Variants in FOXP1 observed in about 807,000 individuals in gnomAD.
The protein encoded by FOXP1 is forkhead box protein P1.
FOXP1 carries 15 observed loss-of-function variants against 98.2 expected under a neutral mutation model. The observed-to-expected ratio is 0.15, with a 90% CI of 0.10 to 0.24. FOXP1 has a LOEUF of 0.24. FOXP1 is among the 10% of genes least tolerant of loss of function. The pLI, the probability that FOXP1 is intolerant of heterozygous loss-of-function variation, is 1.00. For missense variants in FOXP1, 633 were observed against 848.5 expected (o/e 0.75, Z 3.15); for synonymous variants, 371 against 314.5 (o/e 1.18, Z -1.90).
At chr3:70,985,736 TCCAAA>T (rs2039624518) in intron 14 of FOXP1, among the ~76,000 whole-genome samples, 1 of 152,136 alleles carries the variant, frequency 6.6e-6, no homozygotes, top group East Asian at 1.9e-4. Flanking sequence ...CATAAACTAA[TCCAAA>T]CAATCTATGT....
intron 7 of FOXP1, among the ~76,000 whole-genome samples, chr3:71,082,320 G>A (rs536649855): frequency 1.7e-4 from 26 of 151,194 alleles, no homozygotes; most frequent in Admixed American, 1.2e-3. Context: ...CGGTGCTGAT[G>A]TCTAGAACAT....
chr3:71,558,841 C>T (rs1311816622), intron 2 of FOXP1, among the ~76,000 whole-genome samples: 239 of 127,422 alleles, frequency 1.9e-3, no homozygotes, highest in African/African-American at 7.0e-3. Context: ...CTCGCTCTTT[C>T]GCCCAGGCTG....
intron 6 of FOXP1, among the ~76,000 whole-genome samples, chr3:71,190,631 C>T (rs1370831679): frequency 7.9e-6 from 1 of 126,354 alleles, no homozygotes; most frequent in African/African-American, 3.3e-5. Flanking sequence ...GAGCTAGACC[C>T]CATCTCCAAA....
In FOXP1 at chr3:71,336,546, T is replaced by C. The variant is rs749588180; in HGVS notation, c.-73+22604A>G. On this transcript the variant is annotated intron_variant, in intron 4 of 20. Transcript: ENST00000649528. ...AAAAGGAGAGCGAGTCAACTCATTA[T>C]TTTGAAACTTAGTAAATAGAGGGAA... Among the ~76,000 whole-genome samples the C allele has an allele frequency of 6.2e-4, 94 of 152,240 alleles. 2 individuals are homozygous for C. Among genetic ancestry groups the C allele is most frequent in the Non-Finnish European group, 6.6e-4 (45 of 68,054 alleles).
In FOXP1 at chr3:71,068,828, C is replaced by A. The variant is rs73838148; in HGVS notation, c.283-15055G>T. ...GCCTGATGGCCTACTCAGGAAAGCG[C>A]GCCTCCCCAGAAGGAGGACTGCTTT... On this transcript the variant is annotated intron_variant, in intron 7 of 20. Coordinates refer to ENST00000649528, the MANE Select transcript of FOXP1 (RefSeq NM_001349338.3). Among the ~76,000 whole-genome samples the A allele has an allele frequency of 6.0e-3, 915 of 152,242 alleles. 14 individuals carry two copies. The highest frequency in any genetic ancestry group is 0.021 in the African/African-American group (878 of 41,524).
chr3:71,496,588 G>T (rs531543097), intron 2 of FOXP1, among the ~76,000 whole-genome samples: 5 of 152,168 alleles, frequency 3.3e-5, no homozygotes, highest in African/African-American at 1.2e-4. Flanking sequence ...TTGGGAGGCC[G>T]AGGCGGGCGG....
intron 2 of FOXP1, chr3:71,542,050 G>A (rs764647172): frequency 1.1e-5 from 6 of 533,076 alleles, no homozygotes; most frequent in South Asian, 8.4e-5. Context: ...AAAAGCCAGG[G>A]TCTGTATAGA....
chr3:71,503,571 A>C (rs939004242), intron 2 of FOXP1, among the ~76,000 whole-genome samples: 1 of 136,306 alleles, frequency 7.3e-6, no homozygotes, highest in African/African-American at 2.7e-5. Context: ...ATTGCACTCC[A>C]GCCTGGGCAA....
At chr3:71,202,361 G>A (rs1356670749) in intron 5 of FOXP1, among the ~76,000 whole-genome samples, 1 of 152,174 alleles carries the variant, frequency 6.6e-6, no homozygotes, top group Non-Finnish European at 1.5e-5. Context: ...GGAGAAAACA[G>A]CTTTTTGAAA....
chr3:71,057,253 T>A (rs768460242), intron 7 of FOXP1, among the ~76,000 whole-genome samples: 1 of 143,764 alleles, frequency 7.0e-6, no homozygotes, highest in African/African-American at 2.5e-5. Context: ...CTCTAATATT[T>A]ATGGGCCCCT....
At chr3:71,581,853 G>T in intron 1 of FOXP1, 156 bp from the exon 2 acceptor site, 1 of 986,104 alleles carries the variant, frequency 1.0e-6, no homozygotes, top group African/African-American at 1.7e-5. Context: ...AGGGAAGAGA[G>T]GATGCGGCTC....
chr3:71,523,090 G>A (rs1034672831), intron 2 of FOXP1, among the ~76,000 whole-genome samples: 17 of 152,180 alleles, frequency 1.1e-4, no homozygotes, highest in Non-Finnish European at 2.2e-4. Context: ...TCTGTAAAAA[G>A]GGGAAATTGG....
chr3:71,009,433 T>C (rs779395058), intron 12 of FOXP1, among the ~76,000 whole-genome samples: 5 of 152,124 alleles, frequency 3.3e-5, no homozygotes, highest in African/African-American at 9.7e-5. Context: ...AGACACTGTA[T>C]GGCCTGCAAT....
chr3:71,583,115 A>G (rs6801781), intron 1 of FOXP1, among the ~76,000 whole-genome samples: 99,184 of 151,806 alleles, frequency 0.65, 33,971 homozygotes, highest in African/African-American at 0.72. Flanking sequence ...CCAACGCCGG[A>G]CATCGAAAGT....
At chr3:71,226,603 C>G (rs1221005871) in intron 5 of FOXP1, among the ~76,000 whole-genome samples, 1 of 152,000 alleles carries the variant, frequency 6.6e-6, no homozygotes, top group Non-Finnish European at 1.5e-5. Context: ...CTCCCTACCC[C>G]CTTCTGCATC....
intron 4 of FOXP1, among the ~76,000 whole-genome samples, chr3:71,326,072 GA>G (rs143299923): frequency 0.025 from 3,790 of 150,600 alleles, 162 homozygotes; most frequent in African/African-American, 0.086. Context: ...CTTTCAAGTA[GA>G]AAAAAAAAGC....
At chr3:71,418,780 C>A (rs374979661) in intron 3 of FOXP1, among the ~76,000 whole-genome samples, 3 of 152,072 alleles carry the variant, frequency 2.0e-5, no homozygotes, top group African/African-American at 4.8e-5. Flanking sequence ...CTGTCACTAT[C>A]GCAAGAATTA....
intron 17 of FOXP1, among the ~76,000 whole-genome samples, chr3:70,973,839 CCCCCCCCCCA>C (rs2036904859): frequency 2.1e-5 from 2 of 96,566 alleles, no homozygotes; most frequent in Admixed American, 1.0e-4. Context: ...CACACCGCCC[CCCCCCCCCCA>C]CCCCCCAACA....
At chr3:71,077,792 C>G (rs1576616718) in intron 7 of FOXP1, among the ~76,000 whole-genome samples, 1 of 151,954 alleles carries the variant, frequency 6.6e-6, no homozygotes, top group East Asian at 1.9e-4. Context: ...ACTCCCCTCT[C>G]ACTTCCTCCC....
Sources: allele counts gnomAD v4.1 joint callset (sites outside exome capture counted in the v4.1 genomes callset), GRCh38; gene constraint gnomAD v4.1.1; transcripts MANE v1.5; gene names NCBI Gene and HGNC (gene_info 2026-07-23, HGNC 2026-07-21).